The following PSMD1 variants were observed in gnomAD, a reference collection of about 807,000 sequenced individuals.
PSMD1 encodes 26S proteasome non-ATPase regulatory subunit 1.
PSMD1 carries 18 observed loss-of-function variants against 119.0 expected under a neutral mutation model. That is an observed-to-expected ratio of 0.15 (90% CI 0.10 to 0.22). The LOEUF (loss-of-function observed/expected upper bound fraction) is 0.22. Among genes scored for constraint, PSMD1 ranks in the 10% least tolerant of loss-of-function variants. PSMD1 has a pLI of 1.00. For missense variants in PSMD1, 702 were observed against 1,158.5 expected, an observed-to-expected ratio of 0.61 and a Z score of 5.72; for synonymous variants, 374 against 396.6, an observed-to-expected ratio of 0.94 and a Z score of 0.68.
intron 16 of PSMD1, chr2:231,109,100 C>A (rs770644825): frequency 1.9e-6 from 3 of 1,614,040 alleles, no homozygotes; most frequent in Non-Finnish European, 2.5e-6. Flanking sequence ...CTTGTCCTTT[C>A]GAGAACCATC....
intron 16 of PSMD1, chr2:231,123,925 G>A: frequency 2.9e-6 from 2 of 679,114 alleles, no homozygotes; most frequent in African/African-American, 1.8e-5. Context: ...TCTCTAAAAT[G>A]AGCGCATACA....
At chr2:231,071,086 T>G (rs1406762795) in intron 6 of PSMD1, among the ~76,000 whole-genome samples, 1 of 152,118 alleles carries the variant, frequency 6.6e-6, no homozygotes, top group Admixed American at 6.5e-5. Flanking sequence ...ATTTAGTATT[T>G]AATAGTGTAT....
chr2:231,152,261 T>A (rs1169343393), intron 18 of PSMD1, among the ~76,000 whole-genome samples: 1 of 152,200 alleles, frequency 6.6e-6, no homozygotes, highest in Non-Finnish European at 1.5e-5. Context: ...CCCCACTATA[T>A]TCTGTTGCTG....
intron 16 of PSMD1, among the ~76,000 whole-genome samples, chr2:231,104,650 C>T (rs1281551669): frequency 6.6e-6 from 1 of 151,824 alleles, no homozygotes; most frequent in South Asian, 2.1e-4. Flanking sequence ...AATTGAATTC[C>T]AAAATGTTTA....
chr2:231,142,461 A>G (rs1396532568), intron 17 of PSMD1, among the ~76,000 whole-genome samples: 1 of 152,104 alleles, frequency 6.6e-6, no homozygotes, highest in Non-Finnish European at 1.5e-5. Context: ...TTTTCTTTTC[A>G]GATTATTCTG....
chr2:231,078,760 G>A lies in PSMD1; in HGVS notation c.1160+13G>A. 2 of 752,798 alleles carry A rather than the reference G, an allele frequency of 2.7e-6. No homozygotes were observed. The highest frequency in any genetic ancestry group is 3.0e-5 in the Admixed American group (1 of 33,176). The allele number at this position is 752,798 out of a possible 1,614,324, so 46.6% of individuals were successfully genotyped here. ...ACCAGTTTCTTAGGTAAATATGCTT[G>A]TTGATTTTCACTTTGGTTCAAAATC... On this transcript the variant is annotated intron_variant, in intron 10 of 24. Transcript: ENST00000308696.
intron 4 of PSMD1, among the ~76,000 whole-genome samples, chr2:231,064,467 A>C (rs982873242): frequency 3.5e-4 from 54 of 152,228 alleles, no homozygotes; most frequent in African/African-American, 1.3e-3. Context: ...TGGGACATAC[A>C]TTTTTCCCCT....
At chr2:231,099,725 C>T (rs1338686057) in intron 16 of PSMD1, among the ~76,000 whole-genome samples, 2 of 152,134 alleles carry the variant, frequency 1.3e-5, no homozygotes, top group African/African-American at 4.8e-5. Context: ...TCAGTTTCCC[C>T]ACTGGAAATC....
intron 20 of PSMD1, among the ~76,000 whole-genome samples, chr2:231,162,557 T>A (rs1696665671): frequency 6.6e-6 from 1 of 152,208 alleles, no homozygotes; most frequent in Admixed American, 6.5e-5. Context: ...CAAACAATTT[T>A]ATGACTGCTG....
At chr2:231,116,636 A>T (rs1559237472) in intron 16 of PSMD1, among the ~76,000 whole-genome samples, 2 of 150,318 alleles carry the variant, frequency 1.3e-5, no homozygotes, top group East Asian at 3.8e-4. Context: ...TTGTGGGCTA[A>T]GAAGGAAAGT....
chr2:231,146,600 A>G lies in PSMD1; in HGVS notation c.2115+244A>G, dbSNP rs569340790. 5.3e-5 allele frequency among the ~76,000 whole-genome samples: 8 copies of G among 152,358 alleles called. No individual in the cohort carries two copies. In the East Asian group the frequency reaches 1.5e-3, roughly 29 times the overall value. On this transcript the variant is annotated intron_variant, in intron 18 of 24. Coordinates refer to ENST00000308696, the MANE Select transcript of PSMD1 (RefSeq NM_002807.4). ...AGTATATAACCATGCTTGAAAAATT[A>G]GAACTCTTGGGGTGTTAAAACCGTA...
At chr2:231,103,555 C>A (rs901618464) in intron 16 of PSMD1, among the ~76,000 whole-genome samples, 1 of 152,208 alleles carries the variant, frequency 6.6e-6, no homozygotes, top group Non-Finnish European at 1.5e-5. Context: ...CTTTGAACTT[C>A]TTGAACCCTA....
intron 16 of PSMD1, among the ~76,000 whole-genome samples, chr2:231,097,558 A>G (rs984041799): frequency 1.3e-5 from 2 of 152,224 alleles, no homozygotes; most frequent in African/African-American, 2.4e-5. Context: ...CTAATTGTTC[A>G]GCTATTCCTT....
chr2:231,058,631 C>T (rs1311633385), intron 1 of PSMD1, among the ~76,000 whole-genome samples: 1 of 152,052 alleles, frequency 6.6e-6, no homozygotes, highest in Non-Finnish European at 1.5e-5. Flanking sequence ...TTGGACACCC[C>T]TGGCATACAG....
chr2:231,090,144 A>G (rs768782727), intron 16 of PSMD1, among the ~76,000 whole-genome samples: 2 of 152,256 alleles, frequency 1.3e-5, no homozygotes, highest in African/African-American at 4.8e-5. Context: ...CAAGGAGATT[A>G]ATGTTATTTT....
intron 16 of PSMD1, among the ~76,000 whole-genome samples, chr2:231,116,195 G>A (rs1450229279): frequency 5.9e-5 from 9 of 152,138 alleles, no homozygotes; most frequent in African/African-American, 1.4e-4. Flanking sequence ...GCTTCAAAGC[G>A]AACTAACAGT....
intron 10 of PSMD1, among the ~76,000 whole-genome samples, chr2:231,079,074 C>T (rs1345793992): frequency 2.6e-5 from 4 of 152,150 alleles, no homozygotes; most frequent in Admixed American, 6.5e-5. Flanking sequence ...GGATTACAGA[C>T]GTGAGCCACC....
chr2:231,066,278 C>T (rs1459902188), intron 4 of PSMD1, among the ~76,000 whole-genome samples: 3 of 152,224 alleles, frequency 2.0e-5, no homozygotes, highest in African/African-American at 7.2e-5. Flanking sequence ...TGGCACATTT[C>T]AAGTCATTTC....
At chr2:231,077,580 T>A (rs1325879573) in intron 9 of PSMD1, among the ~76,000 whole-genome samples, 1 of 152,194 alleles carries the variant, frequency 6.6e-6, no homozygotes, top group Non-Finnish European at 1.5e-5. Flanking sequence ...AGGTTTTGTG[T>A]CTGTATTTCC....
Sources: gnomAD v4.1 joint callset for allele counts (sites outside exome capture counted in the v4.1 genomes callset) on GRCh38, gnomAD v4.1.1 for gene constraint, MANE v1.5 for transcripts, NCBI Gene and HGNC (gene_info 2026-07-23, HGNC 2026-07-21) for gene names.